PRKG1: variants seen among roughly 807,000 people sequenced by gnomAD.
PRKG1 encodes the protein cGMP-dependent protein kinase 1.
In PRKG1, 35 loss-of-function variants were observed where a neutral mutation model predicts 88.1. That is an observed-to-expected ratio of 0.40 (90% CI 0.30 to 0.53). The LOEUF (loss-of-function observed/expected upper bound fraction) is 0.53. Among genes scored for constraint, PRKG1 ranks in the 20% least tolerant of loss-of-function variants. The pLI is 0.59. For missense variants in PRKG1, 540 were observed against 839.8 expected (o/e 0.64, Z 4.41); for synonymous variants, 303 against 292.5 (o/e 1.04, Z -0.37).
chr10:51,502,411 T>C (rs935911140), intron 3 of PRKG1, among the ~76,000 whole-genome samples: 16 of 152,182 alleles, frequency 1.1e-4, no homozygotes, highest in African/African-American at 3.9e-4. Flanking sequence ...CTAGGTTATA[T>C]ATGAAAATAA....
At chr10:51,784,350 T>C (rs1488422662) in intron 3 of PRKG1, among the ~76,000 whole-genome samples, 1 of 152,124 alleles carries the variant, frequency 6.6e-6, no homozygotes, top group East Asian at 1.9e-4. Context: ...TTCAATGCAG[T>C]ACACATATGT....
intron 7 of PRKG1, among the ~76,000 whole-genome samples, chr10:52,117,907 T>C (rs2132604504): frequency 6.6e-6 from 1 of 152,192 alleles, no homozygotes; most frequent in Non-Finnish European, 1.5e-5. Context: ...TAGGGGTTTT[T>C]TAGTTATTTT....
intron 5 of PRKG1, among the ~76,000 whole-genome samples, chr10:52,037,007 G>A (rs1183464234): frequency 0.016 from 2,377 of 148,038 alleles, no homozygotes; most frequent in African/African-American, 0.06. Context: ...GGGGGCTTCC[G>A]AGGCGATCAA....
In PRKG1 at chr10:51,028,731, C is replaced by T. The variant is rs116147153; in HGVS notation, c.266+37087C>T. On this transcript the variant is annotated intron_variant, in intron 1 of 17. Coordinates refer to the PRKG1 transcript ENST00000401604. ...ATAAGTAAGAAGCTCATTAGAAGTT[C>T]CTACTCTAGAGGAGTGGCAAAACCA... Among the ~76,000 whole-genome samples, 592 of 152,238 alleles carry T rather than the reference C, an allele frequency of 3.9e-3. 9 individuals carry two copies. Among genetic ancestry groups the T allele is most frequent in the African/African-American group, 0.014 (561 of 41,542 alleles).
At chr10:51,213,101 G>A (rs918672229) in intron 2 of PRKG1, among the ~76,000 whole-genome samples, 1 of 152,166 alleles carries the variant, frequency 6.6e-6, no homozygotes, top group African/African-American at 2.4e-5. Flanking sequence ...TTAAGAAAAT[G>A]TGGCACATAT....
chr10:51,871,250 ATGAG>A (rs1198162576), intron 4 of PRKG1, among the ~76,000 whole-genome samples: 3 of 152,224 alleles, frequency 2.0e-5, no homozygotes, highest in Admixed American at 6.5e-5. Flanking sequence ...GGTAGTAACC[ATGAG>A]TTTAATGCTG....
intron 3 of PRKG1, among the ~76,000 whole-genome samples, chr10:51,686,631 T>G (rs552312339): frequency 2.0e-5 from 3 of 152,326 alleles, no homozygotes; most frequent in Admixed American, 6.5e-5. Flanking sequence ...TTAAGCACAT[T>G]TGTTTCCCCC....
intron 5 of PRKG1, among the ~76,000 whole-genome samples, chr10:52,023,593 T>C (rs1025900331): frequency 2.6e-5 from 4 of 152,248 alleles, no homozygotes; most frequent in African/African-American, 7.2e-5. Flanking sequence ...TCCTGACTTT[T>C]TAATGATCAC....
intron 9 of PRKG1, among the ~76,000 whole-genome samples, chr10:52,170,715 A>G (rs1478521698): frequency 2.6e-5 from 4 of 152,242 alleles, no homozygotes; most frequent in African/African-American, 9.6e-5. Context: ...ATTTATTTGC[A>G]AAGAAACATT....
At chr10:51,060,306 T>C (rs939860713) in intron 1 of PRKG1, among the ~76,000 whole-genome samples, 1 of 152,122 alleles carries the variant, frequency 6.6e-6, no homozygotes, top group Admixed American at 6.5e-5. Flanking sequence ...TTTTGATCTG[T>C]CATTGATCAA....
At chr10:51,110,273 A>G (rs1316122643) in intron 1 of PRKG1, among the ~76,000 whole-genome samples, 1 of 152,148 alleles carries the variant, frequency 6.6e-6, no homozygotes, top group African/African-American at 2.4e-5. Context: ...ATTTATTTGT[A>G]ATAGCTAGAA....
chr10:52,136,839 A>G (rs1178914518), intron 8 of PRKG1, among the ~76,000 whole-genome samples: 2 of 152,086 alleles, frequency 1.3e-5, no homozygotes, highest in African/African-American at 4.8e-5. Flanking sequence ...CTTCAGGGTT[A>G]TATACGGAGA....
chr10:51,843,128 T>C (rs957885879), intron 4 of PRKG1, among the ~76,000 whole-genome samples: 1 of 144,348 alleles, frequency 6.9e-6, no homozygotes, highest in African/African-American at 2.6e-5. Context: ...AGACGGAGTC[T>C]TCTGTTTCAC....
intron 3 of PRKG1, among the ~76,000 whole-genome samples, chr10:51,641,510 T>G (rs550876042): frequency 2.6e-5 from 4 of 152,244 alleles, no homozygotes; most frequent in Non-Finnish European, 5.9e-5. Context: ...GCCTTGTGCT[T>G]TTTGGACCCC....
chr10:51,535,325 A>G (rs1339039060), intron 3 of PRKG1, among the ~76,000 whole-genome samples: 1 of 152,204 alleles, frequency 6.6e-6, no homozygotes, highest in Admixed American at 6.5e-5. Context: ...CTAGTCATAA[A>G]AATTGCCAAG....
At chr10:51,813,833 C>A (rs1315864806) in intron 4 of PRKG1, among the ~76,000 whole-genome samples, 1 of 152,108 alleles carries the variant, frequency 6.6e-6, no homozygotes, top group African/African-American at 2.4e-5. Context: ...GCCCTCCTCC[C>A]AAACCTCAGT....
intron 8 of PRKG1, among the ~76,000 whole-genome samples, chr10:52,160,095 C>G (rs1312649875): frequency 6.6e-6 from 1 of 151,546 alleles, no homozygotes; most frequent in East Asian, 1.9e-4. Flanking sequence ...TAAAAAACCC[C>G]CAGAAAATTA....
At chr10:52,264,757 T>A (rs1375490027) in intron 10 of PRKG1, among the ~76,000 whole-genome samples, 1 of 152,134 alleles carries the variant, frequency 6.6e-6, no homozygotes, top group Non-Finnish European at 1.5e-5. Flanking sequence ...CTGAGAAAGC[T>A]ACTGCTACTT....
At chr10:51,019,158 A>G (rs1639571348) in intron 1 of PRKG1, among the ~76,000 whole-genome samples, 1 of 152,172 alleles carries the variant, frequency 6.6e-6, no homozygotes, top group South Asian at 2.1e-4. Flanking sequence ...TCTGCTTTTT[A>G]GTGGAAGAAG....
Sources: gnomAD v4.1 joint callset for allele counts (sites outside exome capture counted in the v4.1 genomes callset) on GRCh38, gnomAD v4.1.1 for gene constraint, MANE v1.5 for transcripts, NCBI Gene and HGNC (gene_info 2026-07-23, HGNC 2026-07-21) for gene names.